The following CD58 variants were observed in gnomAD, a reference collection of about 807,000 sequenced individuals.
CD58 encodes the protein lymphocyte function-associated antigen 3.
A neutral mutation model predicts 27.6 loss-of-function variants in CD58; 14 were observed. That is an observed-to-expected ratio of 0.51 (90% CI 0.34 to 0.79). CD58 has a LOEUF of 0.79. CD58 is among the 30% of genes least tolerant of loss of function. The pLI, the probability that CD58 is intolerant of heterozygous loss-of-function variation, is 0.02. For missense variants in CD58, 268 were observed against 301.7 expected, an observed-to-expected ratio of 0.89 and a Z score of 0.83; for synonymous variants, 117 against 103.8, an observed-to-expected ratio of 1.13 and a Z score of -0.77.
In CD58 at chr1:116,515,617, T is replaced by C. The variant is rs956296626; in HGVS notation, c.744-795A>G. On this transcript the variant is annotated intron_variant, in intron 5 of 5. Coordinates refer to ENST00000369489, the MANE Select transcript of CD58 (RefSeq NM_001779.3). This position sits in a 1 kb window ranked among gnomAD's most constrained non-coding sequence, Gnocchi z 4.6. The stretch of plus-strand genomic sequence containing the variant: ...GTTGGGGCAGCTTTTTGCCGGTCTC[T>C]GCTTCCCTGCCCTCTCCCAGCAGTC... 4.6e-5 allele frequency among the ~76,000 whole-genome samples: 7 copies of C among 152,158 alleles called. No individual in the cohort carries two copies. The highest frequency in any genetic ancestry group is 4.4e-5 in the Non-Finnish European group (3 of 68,012).
At chr1:116,562,421 C>T (rs1658785820) in intron 1 of CD58, among the ~76,000 whole-genome samples, 1 of 152,160 alleles carries the variant, frequency 6.6e-6, no homozygotes, top group Non-Finnish European at 1.5e-5. Context: ...CAGACTCAAG[C>T]AATTGCCAGG....
chr1:116,537,328 G>A (rs1453941908), intron 2 of CD58, among the ~76,000 whole-genome samples: 1 of 152,174 alleles, frequency 6.6e-6, no homozygotes, highest in African/African-American at 2.4e-5. Context: ...CCATAATTAA[G>A]TGGGGTGCTT....
intron 1 of CD58, among the ~76,000 whole-genome samples, chr1:116,548,610 T>C (rs971534759): frequency 6.6e-6 from 1 of 152,140 alleles, no homozygotes; most frequent in Non-Finnish European, 1.5e-5. Flanking sequence ...GTTGTTTATG[T>C]TATTGGTAAG....
At position 116,532,906 on chromosome 1, in the gene CD58, G is replaced by A; in HGVS notation, c.628+3059C>T. On this transcript the variant is annotated intron_variant, in intron 3 of 5. Transcript: ENST00000369489. The surrounding 1 kb of genome is among the most constrained non-coding windows in gnomAD (Gnocchi z 5.1). ...CCGCTACAGGCCCGGAGTCGCGACA[G>A]CCGGTCTGCCAGGCGCCCACCTCCA... The A allele has an allele frequency of 3.0e-6, 3 of 998,972 alleles. No homozygotes were observed. In the South Asian group the frequency reaches 4.1e-5, roughly 14 times the overall value. The allele number at this position is 998,972 out of a possible 1,614,324, so 61.9% of individuals were successfully genotyped here.
chr1:116,536,002 T>C lies in CD58; in HGVS notation c.591A>G (p.Thr197=). ...CTLSNPLFNT[T]SSIILTTCIP... ...TACAGGTTGTCAAAATGATTGATGA[T>C]GTTGTATTAAATAATGGATTGCTAA... The change falls in exon 3 of 6, where the codon ACA becomes ACG. Residue 197 remains threonine, a synonymous_variant. Transcript: ENST00000369489. The surrounding 1 kb of genome is among the most constrained non-coding windows in gnomAD (Gnocchi z 5.4). 6.2e-7 allele frequency: 1 copy of C among 1,612,280 alleles called. No individual in the cohort carries two copies. Among genetic ancestry groups the C allele is most frequent in the Non-Finnish European group, 8.5e-7 (1 of 1,179,272 alleles).
rs1314333440 is a variant in CD58 at position 116,550,768 on chromosome 1, C to T, written c.71-6164G>A. Among the ~76,000 whole-genome samples, 7 of 152,084 alleles carry T rather than the reference C, an allele frequency of 4.6e-5. No homozygotes were observed. The highest frequency in any genetic ancestry group is 4.6e-4 in the Admixed American group (7 of 15,264). ...TCATCAGAAGAATAATTATCTATGG[C>T]AGCTATAGCCTTACCAAGTGTATTC... On this transcript the variant is annotated intron_variant, in intron 1 of 5. Transcript: ENST00000369489. The surrounding 1 kb of genome is among the most constrained non-coding windows in gnomAD (Gnocchi z 4.2).
Position 116,559,633 on chromosome 1 carries a change from G to C in CD58, c.70+11270C>G, listed in dbSNP as rs568530698. ...AAACTGCAGCCACCTGTCTCCCAAC[G>C]GTTACAAACCCTCGGTCCCCAAGGC... On this transcript the variant is annotated intron_variant, in intron 1 of 5. Transcript: ENST00000369489. This position sits in a 1 kb window ranked among gnomAD's most constrained non-coding sequence, Gnocchi z 4.4. 6.6e-6 allele frequency among the ~76,000 whole-genome samples: 1 copy of C among 152,088 alleles called. No individual in the cohort carries two copies. The highest frequency in any genetic ancestry group is 2.1e-4 in the South Asian group (1 of 4,822).
At chr1:116,537,663 T>A (rs758874123) in intron 2 of CD58, among the ~76,000 whole-genome samples, 43 of 152,234 alleles carry the variant, frequency 2.8e-4, no homozygotes, top group Non-Finnish European at 1.6e-4. Context: ...CACTAACATG[T>A]CACATTCTGC....
intron 3 of CD58, among the ~76,000 whole-genome samples, chr1:116,535,734 G>A (rs1392831830): frequency 7.8e-6 from 1 of 128,166 alleles, no homozygotes; most frequent in Non-Finnish European, 1.6e-5. Flanking sequence ...CCAGCTACTC[G>A]GGAGGCTGAG....
rs1657310207 is a variant in CD58, at chr1:116,522,881, T to C, written c.629-898A>G. Among the ~76,000 whole-genome samples the C allele has an allele frequency of 6.6e-6, 1 of 152,232 alleles. No individual in the cohort carries two copies. The highest frequency in any genetic ancestry group is 2.4e-5 in the African/African-American group (1 of 41,456). The stretch of plus-strand genomic sequence containing the variant: ...AGCATCTAGACATTGCACTAAGTCA[T>C]GTGCCTATAGTCTCACTAAGTCATT... On this transcript the variant is annotated intron_variant, in intron 3 of 5. Transcript: ENST00000369489. The surrounding 1 kb of genome is among the most constrained non-coding windows in gnomAD (Gnocchi z 4.6).
In CD58 at chr1:116,570,571, T is replaced by C. The variant is rs1659107397; in HGVS notation, c.70+332A>G. The stretch of plus-strand genomic sequence containing the variant: ...AGTCCGCTGAAGCGCTCAGCGACGT[T>C]ACTGGGGAAGCCCAGGAAGGAACTT... On this transcript the variant is annotated intron_variant, in intron 1 of 5. Coordinates refer to ENST00000369489, the MANE Select transcript of CD58 (RefSeq NM_001779.3). The surrounding 1 kb of genome is among the most constrained non-coding windows in gnomAD (Gnocchi z 6.4). 6.6e-6 allele frequency among the ~76,000 whole-genome samples: 1 copy of C among 151,760 alleles called. No homozygotes were observed. The highest frequency in any genetic ancestry group is 1.5e-5 in the Non-Finnish European group (1 of 67,920).
Position 116,536,305 on chromosome 1 carries a change from CG to C in CD58, c.365-78del, listed in dbSNP as rs1657807422. The stretch of plus-strand genomic sequence containing the variant: ...ATCATCTGCAAATTTATGAAGAGCT[CG>C]CAACCTCCTTACAAGCTTGAAAGGA... On this transcript the variant is annotated intron_variant, in intron 2 of 5. Transcript: ENST00000369489. This position sits in a 1 kb window ranked among gnomAD's most constrained non-coding sequence, Gnocchi z 5.4. The C allele has an allele frequency of 9.4e-7, 1 of 1,062,880 alleles. No individual in the cohort carries two copies. Among genetic ancestry groups the C allele is most frequent in the African/African-American group, 1.6e-5 (1 of 62,924 alleles). The allele number at this position is 1,062,880 out of a possible 1,614,324, so 65.8% of individuals were successfully genotyped here.
Position 116,559,482 on chromosome 1 carries a change from T to C in CD58, c.70+11421A>G, listed in dbSNP as rs1658685918. Among the ~76,000 whole-genome samples, 1 of 152,170 alleles carries C rather than the reference T, an allele frequency of 6.6e-6. No individual in the cohort carries two copies. The highest frequency in any genetic ancestry group is 6.5e-5 in the Admixed American group (1 of 15,274). On this transcript the variant is annotated intron_variant, in intron 1 of 5. Transcript: ENST00000369489. This position sits in a 1 kb window ranked among gnomAD's most constrained non-coding sequence, Gnocchi z 4.4. The stretch of plus-strand genomic sequence containing the variant: ...ATGCCTTGGTTGGGGCCATTCCTCT[T>C]TTTTCCTGATCGATTCCACCCTTAG...
rs1368635367 is a variant in CD58 at position 116,550,345 on chromosome 1, T to C, written c.71-5741A>G. ...TGCTTTATCAACTAAATTTATGTAA[T>C]ACTCTTAACCCTTTGTTGTCATTTA... On this transcript the variant is annotated intron_variant, in intron 1 of 5. Transcript: ENST00000369489. The surrounding 1 kb of genome is among the most constrained non-coding windows in gnomAD (Gnocchi z 4.2). 6.6e-6 allele frequency among the ~76,000 whole-genome samples: 1 copy of C among 152,250 alleles called. No homozygotes were observed. Among genetic ancestry groups the C allele is most frequent in the Non-Finnish European group, 1.5e-5 (1 of 68,046 alleles).
intron 2 of CD58, among the ~76,000 whole-genome samples, chr1:116,543,342 T>C (rs968952787): frequency 2.0e-5 from 3 of 151,116 alleles, no homozygotes; most frequent in Non-Finnish European, 4.4e-5. Context: ...TAATGATGAG[T>C]TCTCGGTTAC....
At position 116,558,943 on chromosome 1, in the gene CD58, A is replaced by G. The variant is rs181697446; in HGVS notation, c.70+11960T>C. 1.4e-3 allele frequency among the ~76,000 whole-genome samples: 219 copies of G among 152,376 alleles called. 1 individual carries two copies. The highest frequency in any genetic ancestry group is 2.3e-3 in the Non-Finnish European group (158 of 68,034). ...AGTCCTGCCTATGTGCCAGACACTG[A>G]AATAAGCAGGCAGGATATAGCAATG... On this transcript the variant is annotated intron_variant, in intron 1 of 5. Coordinates refer to ENST00000369489, the MANE Select transcript of CD58 (RefSeq NM_001779.3).
intron 3 of CD58, chr1:116,533,088 C>A (rs1557835258): frequency 1.4e-6 from 1 of 739,520 alleles, no homozygotes; most frequent in Non-Finnish European, 2.5e-6. Context: ...GCCTCCCCAG[C>A]GAAGTACAGC....
intron 1 of CD58, among the ~76,000 whole-genome samples, chr1:116,568,621 G>C (rs1479391409): frequency 6.6e-6 from 1 of 152,218 alleles, no homozygotes. Context: ...TGCATAGCTT[G>C]CTGTATCCCC....
intron 1 of CD58, chr1:116,560,200 T>C (rs913772513): frequency 6.6e-6 from 1 of 152,216 alleles, no homozygotes; most frequent in Non-Finnish European, 1.5e-5. Context: ...ATACTTCTAT[T>C]TGAGAGCACT....
Sources: allele counts gnomAD v4.1 joint callset (sites outside exome capture counted in the v4.1 genomes callset), GRCh38; gene constraint gnomAD v4.1.1; non-coding constraint Gnocchi (gnomAD v3.1); transcripts MANE v1.5; gene names NCBI Gene and HGNC (gene_info 2026-07-23, HGNC 2026-07-21).